LARGE1: variants seen among roughly 807,000 people sequenced by gnomAD.
The protein encoded by LARGE1 is xylosyl- and glucuronyltransferase LARGE1.
In LARGE1, 43 loss-of-function variants were observed where a neutral mutation model predicts 87.6. The observed-to-expected ratio is 0.49, with a 90% CI of 0.38 to 0.63. The LOEUF is 0.63. LARGE1 is among the 30% of genes least tolerant of loss of function. The pLI, the probability that LARGE1 is intolerant of heterozygous loss-of-function variation, is 0.00. For synonymous variants in LARGE1, 434 were observed against 394.6 expected (o/e 1.10, Z -1.18); for missense variants, 802 against 1,000.2 (o/e 0.80, Z 2.67).
At chr22:33,882,025 TTTTG>T (rs1215085577) in intron 1 of LARGE1, among the ~76,000 whole-genome samples, 1 of 144,380 alleles carries the variant, frequency 6.9e-6, no homozygotes, top group Non-Finnish European at 1.5e-5. Flanking sequence ...TGCGGGGTTT[TTTTG>T]TTTTTGTTTT....
intron 1 of LARGE1, among the ~76,000 whole-genome samples, chr22:33,903,046 C>A (rs539636026): frequency 1.3e-5 from 2 of 152,132 alleles, no homozygotes; most frequent in Admixed American, 1.3e-4. Context: ...GGAGGAGACA[C>A]GCTTGAACCC....
intron 1 of LARGE1, among the ~76,000 whole-genome samples, chr22:33,845,763 T>C (rs1018215671): frequency 6.6e-6 from 1 of 152,196 alleles, no homozygotes; most frequent in African/African-American, 2.4e-5. Flanking sequence ...TATCAAGTCA[T>C]GATAATTACA....
intron 6 of LARGE1, among the ~76,000 whole-genome samples, chr22:33,465,990 C>G (rs369265825): frequency 6.6e-6 from 1 of 152,158 alleles, no homozygotes; most frequent in Non-Finnish European, 1.5e-5. Flanking sequence ...GTTCCCTACT[C>G]GAAAAGTCTA....
intron 2 of LARGE1, among the ~76,000 whole-genome samples, chr22:33,684,970 G>A (rs1408967211): frequency 6.6e-6 from 1 of 152,162 alleles, no homozygotes; most frequent in Non-Finnish European, 1.5e-5. Flanking sequence ...GGATTTTCAG[G>A]TGTATGGGGG....
intron 5 of LARGE1, among the ~76,000 whole-genome samples, chr22:33,566,632 G>A (rs1403560517): frequency 1.3e-5 from 2 of 152,216 alleles, no homozygotes; most frequent in Non-Finnish European, 2.9e-5. Context: ...GCTTGGAAGG[G>A]AAGCCGAGAG....
intron 11 of LARGE1, among the ~76,000 whole-genome samples, chr22:33,252,872 G>A (rs1424440976): frequency 6.6e-6 from 1 of 152,222 alleles, no homozygotes; most frequent in Non-Finnish European, 1.5e-5. Context: ...CACTGCTAGA[G>A]TTAGGGTTTG....
intron 6 of LARGE1, among the ~76,000 whole-genome samples, chr22:33,557,452 A>C (rs1315228602): frequency 6.6e-6 from 1 of 152,232 alleles, no homozygotes; most frequent in Non-Finnish European, 1.5e-5. Context: ...GAGGTCATCA[A>C]AATTTTCCAA....
Position 33,352,421 on chromosome 22 carries a change from A to T in LARGE1, c.1132-14620T>A, listed in dbSNP as rs564930016. ...TTGAAGTTTACTTGAAAAGCAATAT[A>T]TTGATGTTGGTTTGTCAGTTTTGAT... On this transcript the variant is annotated intron_variant, in intron 9 of 14. Coordinates refer to ENST00000397394, the MANE Select transcript of LARGE1 (RefSeq NM_133642.5). Among the ~76,000 whole-genome samples the T allele has an allele frequency of 1.3e-4, 20 of 152,268 alleles. No individual in the cohort carries two copies. In the South Asian group the frequency reaches 3.7e-3, roughly 28 times the overall value.
chr22:33,470,371 C>T (rs971339959), intron 6 of LARGE1, among the ~76,000 whole-genome samples: 2 of 152,198 alleles, frequency 1.3e-5, no homozygotes, highest in Non-Finnish European at 2.9e-5. Flanking sequence ...GGCTTCAACC[C>T]TAAACTCCTT....
the LARGE1 span, among the ~76,000 whole-genome samples, chr22:33,091,221 AG>A: frequency 6.6e-6 from 1 of 152,168 alleles, no homozygotes; most frequent in Admixed American, 6.5e-5. Flanking sequence ...TTTGATGCCT[AG>A]AAGGGAAGCC....
rs942277290 is a variant in LARGE1, at chr22:33,329,126, T to C, written c.1287+8520A>G. Among the ~76,000 whole-genome samples the C allele has an allele frequency of 3.3e-5, 5 of 152,190 alleles. 1 individual carries two copies. The highest frequency in any genetic ancestry group is 4.1e-4 in the South Asian group (2 of 4,824). ...GGATACCCAGCAGGCTTTGGTTCCCTGCTATCACTAGGAGGCTAGGAGACC... is the reference window on the plus strand; with the variant it reads ...GGATACCCAGCAGGCTTTGGTTCCCCGCTATCACTAGGAGGCTAGGAGACC... On this transcript the variant is annotated intron_variant, in intron 10 of 14. Transcript: ENST00000397394.
rs887152286 is a variant in LARGE1 at position 33,363,398 on chromosome 22, G to C, written c.1131+18521C>G. On this transcript the variant is annotated intron_variant, in intron 9 of 14. Coordinates refer to ENST00000397394, the MANE Select transcript of LARGE1 (RefSeq NM_133642.5). ...CATGGCTTACATTGGCAACAGGCAA[G>C]AGAAAGAATGAGACCCAAGGGAAAA... Among the ~76,000 whole-genome samples, 11 of 149,890 alleles carry C rather than the reference G, an allele frequency of 7.3e-5. 1 individual carries two copies. The highest frequency in any genetic ancestry group is 2.7e-4 in the African/African-American group (11 of 40,744).
At chr22:33,905,880 A>T (rs1036469709) in intron 1 of LARGE1, among the ~76,000 whole-genome samples, 10 of 152,212 alleles carry the variant, frequency 6.6e-5, no homozygotes, top group African/African-American at 1.9e-4. Flanking sequence ...CTGTAATCCC[A>T]GCAGTTTGGG....
intron 9 of LARGE1, among the ~76,000 whole-genome samples, chr22:33,354,136 C>T (rs1034921660): frequency 1.3e-5 from 2 of 152,208 alleles, no homozygotes; most frequent in Non-Finnish European, 2.9e-5. Context: ...CACTTTAAAT[C>T]TGACCCTTCG....
intron 6 of LARGE1, among the ~76,000 whole-genome samples, chr22:33,443,338 G>A (rs2067558918): frequency 6.6e-6 from 1 of 152,084 alleles, no homozygotes; most frequent in African/African-American, 2.4e-5. Flanking sequence ...TGGCTACAGC[G>A]GGCATCACCA....
chr22:33,107,782 C>A, the LARGE1 span, among the ~76,000 whole-genome samples: 1 of 150,036 alleles, frequency 6.7e-6, no homozygotes, highest in African/African-American at 2.5e-5. Context: ...GAGCAAGGAT[C>A]GCTTGAGCCC....
intron 6 of LARGE1, among the ~76,000 whole-genome samples, chr22:33,527,802 G>C (rs751933615): frequency 2.6e-5 from 4 of 152,168 alleles, no homozygotes; most frequent in Non-Finnish European, 5.9e-5. Context: ...GGAGACAGTG[G>C]AGGAGGTGTA....
rs12159298 is a variant in LARGE1 at position 33,606,514 on chromosome 22, C to T, written c.492-1956G>A. On this transcript the variant is annotated intron_variant, in intron 4 of 14. Coordinates refer to ENST00000397394, the MANE Select transcript of LARGE1 (RefSeq NM_133642.5). ...GATGACTGGCCTTTTAGCTCTCGGC[C>T]GTCGGCATGGTCACTCCCCACACCT... 6.6e-5 allele frequency among the ~76,000 whole-genome samples: 10 copies of T among 152,130 alleles called. No individual in the cohort carries two copies. In the South Asian group the frequency reaches 8.3e-4, roughly 13 times the overall value.
At chr22:33,664,247 CA>C (rs2149242970) in intron 2 of LARGE1, among the ~76,000 whole-genome samples, 1 of 152,332 alleles carries the variant, frequency 6.6e-6, no homozygotes, top group African/African-American at 2.4e-5. Context: ...TCCCCACATC[CA>C]AACCACAGCC....
Sources: allele counts gnomAD v4.1 joint callset (sites outside exome capture counted in the v4.1 genomes callset), GRCh38; gene constraint gnomAD v4.1.1; transcripts MANE v1.5; gene names NCBI Gene and HGNC (gene_info 2026-07-23, HGNC 2026-07-21).